The following CEP104 variants were observed in gnomAD, a reference collection of about 807,000 sequenced individuals.
The protein encoded by CEP104 is centrosomal protein 104.
Under a neutral mutation model 113.3 loss-of-function variants are expected in CEP104, and 84 were observed. The observed-to-expected ratio is 0.74, with a 90% CI of 0.62 to 0.89. The LOEUF (loss-of-function observed/expected upper bound fraction) is 0.89. Ranked by LOEUF, CEP104 falls within the 40% of genes least tolerant of loss-of-function variation. The pLI is 0.00. For synonymous variants in CEP104, 378 were observed against 421.7 expected (o/e 0.90, Z 1.27); for missense variants, 1,053 against 1,156.6 (o/e 0.91, Z 1.30).
chr1:3,847,705 TTTA>T (rs2124691366), intron 3 of CEP104, 92 bp from the exon 4 acceptor site: 2 of 1,320,764 alleles, frequency 1.5e-6, no homozygotes, highest in South Asian at 1.2e-5. Flanking sequence ...CTCATTTATG[TTTA>T]TTGTTTTATT....
chr1:3,851,067 C>A (rs546723467), intron 2 of CEP104, among the ~76,000 whole-genome samples: 31 of 152,278 alleles, frequency 2.0e-4, no homozygotes, highest in African/African-American at 7.2e-4. Flanking sequence ...GTGTGCTCCT[C>A]CTCCTGCCCT....
At chr1:3,854,734 C>T (rs1028467857) in intron 1 of CEP104, among the ~76,000 whole-genome samples, 10 of 151,562 alleles carry the variant, frequency 6.6e-5, no homozygotes, top group African/African-American at 2.4e-4. Context: ...CCGCCTTGGC[C>T]TCCCAAAGTG....
intron 2 of CEP104, among the ~76,000 whole-genome samples, chr1:3,850,047 C>T (rs1644581794): frequency 1.3e-5 from 2 of 152,230 alleles, no homozygotes; most frequent in Admixed American, 6.5e-5. Context: ...AGGTTTGCAG[C>T]CCAGGAGCAA....
chr1:3,854,388 C>A (rs1036242100), intron 1 of CEP104, among the ~76,000 whole-genome samples: 3 of 152,160 alleles, frequency 2.0e-5, no homozygotes, highest in Non-Finnish European at 4.4e-5. Context: ...CACTTCTTGT[C>A]CTGAATTCTG....
chr1:3,855,770 G>A (rs1163832040), intron 1 of CEP104: 1 of 355,104 alleles, frequency 2.8e-6, no homozygotes, highest in Non-Finnish European at 3.9e-6. Context: ...TACTTGGAAT[G>A]TCACTGAAGG....
rs1023699717 is a variant in CEP104, at chr1:3,815,625, G to C, written c.2663-108C>G. 13 of 711,704 alleles carry C rather than the reference G, an allele frequency of 1.8e-5. No homozygotes were observed. In the African/African-American group the frequency reaches 2.3e-4, roughly 13 times the overall value. 44.1% of individuals were successfully genotyped at this position (711,704 alleles called of 1,614,324 possible). ...AGCAACAACGTCCCAGGCCCATGCT[G>C]ATGGCCGTCACCCGACTACAGGAGC... On this transcript the variant is annotated intron_variant, in intron 21 of 21. Transcript: ENST00000378230.
At chr1:3,841,647 G>A (rs577621389) in intron 6 of CEP104, among the ~76,000 whole-genome samples, 57 of 152,280 alleles carry the variant, frequency 3.7e-4, no homozygotes, top group African/African-American at 1.2e-3. Context: ...GGCAATGACC[G>A]GATTCCATGT....
At position 3,823,697 on chromosome 1, in the gene CEP104, T is replaced by TA; in HGVS notation, c.2365-136_2365-135insT. Reference sequence around the variant, plus strand: ...CTGCACATGAAGTAAGCCACAGGCTTCTATCTTCGGCATTTGCCCACAGAC... The same window carrying TA: ...CTGCACATGAAGTAAGCCACAGGCTTACTATCTTCGGCATTTGCCCACAGAC... On this transcript the variant is annotated intron_variant, in intron 18 of 21. Transcript: ENST00000378230. The surrounding 1 kb of genome is among the most constrained non-coding windows in gnomAD (Gnocchi z 4.1). 1 of 1,045,396 alleles carries TA rather than the reference T, an allele frequency of 9.6e-7. No homozygotes were observed. Among genetic ancestry groups the TA allele is most frequent in the Non-Finnish European group, 1.4e-6 (1 of 713,058 alleles). The allele number at this position is 1,045,396 out of a possible 1,614,324, so 64.8% of individuals were successfully genotyped here.
At position 3,813,454 on chromosome 1, in the gene CEP104, A is replaced by T. The variant is rs1302834042; in HGVS notation, c.*1948T>A. On this transcript the variant is annotated 3_prime_UTR_variant, in exon 22 of 22. Coordinates refer to ENST00000378230, the MANE Select transcript of CEP104 (RefSeq NM_014704.4). ...GAGATGGGGTTTCACCATGTTGGCC[A>T]GGCTGGTCTCGAACTCCTGACCTCA... 1 of 148,600 alleles carries T rather than the reference A, an allele frequency of 6.7e-6. No homozygotes were observed. Among genetic ancestry groups the T allele is most frequent in the Non-Finnish European group, 1.5e-5 (1 of 66,936 alleles). The allele number at this position is 148,600 out of a possible 1,614,324, so 9.2% of individuals were successfully genotyped here.
At position 3,819,177 on chromosome 1, in the gene CEP104, A is replaced by AC. The variant is rs1643924595; in HGVS notation, c.2572-2808dup. On this transcript the variant is annotated intron_variant, in intron 20 of 21. Transcript: ENST00000378230. This position sits in a 1 kb window ranked among gnomAD's most constrained non-coding sequence, Gnocchi z 4.6. Reference sequence around the variant, plus strand: ...AATGAAGTGCTACTGATCTATTAGAACCCGGGCGAACCTTGAAAACACGTT... The same window carrying AC: ...AATGAAGTGCTACTGATCTATTAGAACCCCGGGCGAACCTTGAAAACACGTT... Among the ~76,000 whole-genome samples, 1 of 152,174 alleles carries AC rather than the reference A, an allele frequency of 6.6e-6. No homozygotes were observed. The highest frequency in any genetic ancestry group is 2.4e-5 in the African/African-American group (1 of 41,434).
intron 6 of CEP104, among the ~76,000 whole-genome samples, chr1:3,843,689 T>C (rs2124684249): frequency 6.7e-6 from 1 of 149,040 alleles, no homozygotes; most frequent in South Asian, 2.1e-4. Flanking sequence ...CCATACCCAT[T>C]TTTTTTTTTA....
chr1:3,832,797 C>T (rs535188031), intron 12 of CEP104, among the ~76,000 whole-genome samples: 2 of 152,184 alleles, frequency 1.3e-5, no homozygotes, highest in African/African-American at 4.8e-5. Flanking sequence ...CCTCTCGCCT[C>T]GGCCTTCCAA....
At chr1:3,852,548 C>A in intron 1 of CEP104, 127 bp from the exon 2 acceptor site, 2 of 850,948 alleles carry the variant, frequency 2.4e-6, no homozygotes, top group Non-Finnish European at 1.7e-6. Flanking sequence ...ATTTTCCCAT[C>A]TCTTTGAAAA....
At chr1:3,836,468 G>T (rs1417596416) in intron 10 of CEP104, 27 bp downstream of exon 10, 50 of 1,011,096 alleles carry the variant, frequency 4.9e-5, no homozygotes, top group African/African-American at 9.9e-5. Flanking sequence ...CTGCCACCCC[G>T]TTTTTTTTTT....
rs1050673737 is a variant in CEP104, at chr1:3,812,794, C to G, written c.*2608G>C. 6.6e-6 allele frequency: 1 copy of G among 152,078 alleles called. No homozygotes were observed. The highest frequency in any genetic ancestry group is 2.4e-5 in the African/African-American group (1 of 41,398). The allele number at this position is 152,078 out of a possible 1,614,324, so 9.4% of individuals were successfully genotyped here. ...GGCGGAGGTTGCAGGGGGCCAAGAT[C>G]GCGCCACTGCACTCCAGCCTAGGCA... is the stretch of plus-strand genomic sequence containing the variant. On this transcript the variant is annotated 3_prime_UTR_variant, in exon 22 of 22. Transcript: ENST00000378230.
intron 20 of CEP104, among the ~76,000 whole-genome samples, chr1:3,818,020 A>C (rs1344988919): frequency 6.6e-6 from 1 of 152,224 alleles, no homozygotes; most frequent in Non-Finnish European, 1.5e-5. Context: ...GGGCCAGCAG[A>C]GCCGCCTGGC....
Position 3,841,959 on chromosome 1 carries a change from C to T in CEP104, c.567-2183G>A, listed in dbSNP as rs540051346. On this transcript the variant is annotated intron_variant, in intron 6 of 21. Transcript: ENST00000378230. ...AGGCTGGCAGGAGGGAGGTAGCCAT[C>T]CACTCTCAGCGCTCCTTCCCCACAG... Among the ~76,000 whole-genome samples the T allele has an allele frequency of 9.1e-4, 139 of 152,370 alleles. 1 individual carries two copies. In the Middle Eastern group the frequency reaches 0.014, roughly 15 times the overall value.
intron 1 of CEP104, 89 bp downstream of exon 1, chr1:3,856,800 A>ACCGCGCCCCCGCGGCGC (rs1363683285): frequency 7.4e-5 from 11 of 147,980 alleles, no homozygotes; most frequent in Non-Finnish European, 1.5e-4. Context: ...CCAGGTGGGG[A>ACCGCGCCCCCGCGGCGC]CCGCGCCCCC....
intron 6 of CEP104, among the ~76,000 whole-genome samples, chr1:3,844,687 A>C (rs1644473771): frequency 6.7e-6 from 1 of 150,006 alleles, no homozygotes; most frequent in Admixed American, 6.7e-5. Context: ...AGCAAGAGTG[A>C]AATTCTGTCT....
Sources: gnomAD v4.1 joint callset for allele counts (sites outside exome capture counted in the v4.1 genomes callset) on GRCh38, gnomAD v4.1.1 for gene constraint, Gnocchi (gnomAD v3.1) non-coding constraint, MANE v1.5 for transcripts, NCBI Gene and HGNC (gene_info 2026-07-23, HGNC 2026-07-21) for gene names.